Variants in SLC2A13 observed in about 807,000 individuals in gnomAD.
The protein encoded by SLC2A13 is proton myo-inositol cotransporter.
In SLC2A13, 32 loss-of-function variants were observed where a neutral mutation model predicts 64.4. The observed-to-expected ratio is 0.50, with a 90% CI of 0.37 to 0.67. The LOEUF (loss-of-function observed/expected upper bound fraction) is 0.67. SLC2A13 is among the 30% of genes least tolerant of loss of function. The pLI is 0.00. For missense variants in SLC2A13, 743 were observed against 829.2 expected, an observed-to-expected ratio of 0.90 and a Z score of 1.28; for synonymous variants, 338 against 327.1, an observed-to-expected ratio of 1.03 and a Z score of -0.36.
In SLC2A13 at chr12:40,105,474, T is replaced by C; in HGVS notation, c.335A>G (p.Gln112Arg). 1 of 1,566,650 alleles carries C rather than the reference T, an allele frequency of 6.4e-7. No individual in the cohort carries two copies. Among genetic ancestry groups the C allele is most frequent in the Non-Finnish European group, 8.6e-7 (1 of 1,156,464 alleles). The part of the protein sequence containing the change: ...VSGAMLLLKR[Q>R]LSLDALWQEL... ...CTGCCACAGCGCGTCCAGACTGAGC[T>C]GCCGCTTGAGCAGCAGCATGGCCCC... The change falls in exon 1 of 10, where the codon CAG becomes CGG. Residue 112 changes from glutamine to arginine, a missense_variant. By Grantham distance (43) the Gln-to-Arg change is conservative. Transcript: ENST00000280871. The surrounding 1 kb of genome is among the most constrained non-coding windows in gnomAD (Gnocchi z 4.2).
Position 39,882,890 on chromosome 12 carries a change from ATATTTC to A in SLC2A13, c.1035-10935_1035-10930del, listed in dbSNP as rs529345118. On this transcript the variant is annotated intron_variant, in intron 4 of 9. Coordinates refer to ENST00000280871, the MANE Select transcript of SLC2A13 (RefSeq NM_052885.4). Reference sequence around the variant, plus strand: ...TACTAGAATTACTTAGATATACATCATATTTCTATTTCTATCATATTTCTATAAACT... The same window carrying A: ...TACTAGAATTACTTAGATATACATCATATTTCTATCATATTTCTATAAACT... 5.9e-5 allele frequency among the ~76,000 whole-genome samples: 9 copies of A among 152,294 alleles called. No homozygotes were observed. In the South Asian group the frequency reaches 1.5e-3, roughly 25 times the overall value.
intron 7 of SLC2A13, among the ~76,000 whole-genome samples, chr12:39,781,857 GA>G (rs1381597606): frequency 5.3e-5 from 8 of 152,326 alleles, no homozygotes; most frequent in Non-Finnish European, 2.9e-5. Context: ...TACCCTGGAG[GA>G]AGGGATTTAG....
At chr12:39,921,523 C>A (rs112285906) in intron 4 of SLC2A13, among the ~76,000 whole-genome samples, 2 of 152,184 alleles carry the variant, frequency 1.3e-5, no homozygotes, top group Non-Finnish European at 2.9e-5. Flanking sequence ...TGTTTTCAAG[C>A]CATAGATATC....
At chr12:39,952,127 T>G (rs1946242642) in intron 3 of SLC2A13, among the ~76,000 whole-genome samples, 1 of 152,164 alleles carries the variant, frequency 6.6e-6, no homozygotes, top group Non-Finnish European at 1.5e-5. Flanking sequence ...GCTGTAAATC[T>G]GAACCACTGA....
At chr12:39,848,875 C>T (rs1010794424) in intron 6 of SLC2A13, among the ~76,000 whole-genome samples, 1 of 152,150 alleles carries the variant, frequency 6.6e-6, no homozygotes, top group African/African-American at 2.4e-5. Flanking sequence ...TTTGCAGGAA[C>T]ATGGATGGAG....
At chr12:39,874,028 T>G (rs1297644329) in intron 4 of SLC2A13, among the ~76,000 whole-genome samples, 2 of 152,228 alleles carry the variant, frequency 1.3e-5, no homozygotes, top group Non-Finnish European at 2.9e-5. Flanking sequence ...AAGAAGCTCA[T>G]AGTTTAATTT....
chr12:39,856,124 A>C (rs963797802), intron 6 of SLC2A13, among the ~76,000 whole-genome samples: 1 of 152,182 alleles, frequency 6.6e-6, no homozygotes, highest in South Asian at 2.1e-4. Context: ...GGTGTTGCCA[A>C]ATTTTGCCAC....
intron 4 of SLC2A13, among the ~76,000 whole-genome samples, chr12:39,942,666 T>C (rs1301748994): frequency 2.0e-5 from 3 of 152,200 alleles, no homozygotes; most frequent in Admixed American, 2.0e-4. Context: ...CTAACGTTTT[T>C]TCAAGGTTCA....
At chr12:39,979,519 G>A (rs1263131389) in intron 3 of SLC2A13, among the ~76,000 whole-genome samples, 1 of 149,640 alleles carries the variant, frequency 6.7e-6, no homozygotes, top group East Asian at 2.0e-4. Context: ...AGAACTACGT[G>A]AAGAATGCAG....
intron 3 of SLC2A13, among the ~76,000 whole-genome samples, chr12:40,016,106 C>A (rs1267802787): frequency 6.6e-6 from 1 of 151,992 alleles, no homozygotes; most frequent in Admixed American, 6.6e-5. Flanking sequence ...TCTTTGCTGC[C>A]ACAAATGTCA....
At position 39,810,994 on chromosome 12, in the gene SLC2A13, A is replaced by C. The variant is rs186040026; in HGVS notation, c.1445+19109T>G. The stretch of plus-strand genomic sequence containing the variant: ...TGCCCTTTTCTGAAAGAGTTTATAT[A>C]GGATTGGCATTATTTCTTCTTTAAA... On this transcript the variant is annotated intron_variant, in intron 7 of 9. Coordinates refer to ENST00000280871, the MANE Select transcript of SLC2A13 (RefSeq NM_052885.4). Among the ~76,000 whole-genome samples, 388 of 152,222 alleles carry C rather than the reference A, an allele frequency of 2.5e-3. 2 individuals are homozygous for C. Among genetic ancestry groups the C allele is most frequent in the Admixed American group, 0.022 (329 of 15,288 alleles).
At chr12:40,007,652 T>C (rs939736018) in intron 3 of SLC2A13, among the ~76,000 whole-genome samples, 1 of 152,216 alleles carries the variant, frequency 6.6e-6, no homozygotes, top group Non-Finnish European at 1.5e-5. Flanking sequence ...TTTTGAATTC[T>C]TAGTTCTTCT....
At chr12:39,906,307 C>A (rs920100694) in intron 4 of SLC2A13, among the ~76,000 whole-genome samples, 1 of 152,108 alleles carries the variant, frequency 6.6e-6, no homozygotes, top group South Asian at 2.1e-4. Flanking sequence ...AATAACTAGA[C>A]AAGCTTGTAA....
In SLC2A13 at chr12:40,097,559, G is replaced by A. The variant is rs536794766; in HGVS notation, c.556+7694C>T. Among the ~76,000 whole-genome samples the A allele has an allele frequency of 9.2e-5, 14 of 152,210 alleles. No homozygotes were observed. In the East Asian group the frequency reaches 1.7e-3, roughly 19 times the overall value. ...AACCAATTAAAAATAGGTCAGGGAC[G>A]TGAAAATGCAATAAACAATTTTCCA... On this transcript the variant is annotated intron_variant, in intron 1 of 9. Coordinates refer to ENST00000280871, the MANE Select transcript of SLC2A13 (RefSeq NM_052885.4).
At chr12:39,799,239 G>T (rs1165952201) in intron 7 of SLC2A13, among the ~76,000 whole-genome samples, 1 of 145,724 alleles carries the variant, frequency 6.9e-6, no homozygotes, top group Non-Finnish European at 1.5e-5. Context: ...ACAGGCATGT[G>T]CCACTATGCT....
At position 39,841,959 on chromosome 12, in the gene SLC2A13, G is replaced by A. The variant is rs547328029; in HGVS notation, c.1320-11731C>T. 1.2e-4 allele frequency among the ~76,000 whole-genome samples: 19 copies of A among 152,100 alleles called. No homozygotes were observed. The South Asian group carries it at 3.3e-3, about 27-fold the overall frequency. On this transcript the variant is annotated intron_variant, in intron 6 of 9. Transcript: ENST00000280871. ...TCACAGACAGTTTACCATGCAAAGAGGCTATACTAAATAATTACATGTTCT... is the reference window on the plus strand; with the variant it reads ...TCACAGACAGTTTACCATGCAAAGAAGCTATACTAAATAATTACATGTTCT...
At chr12:39,896,201 T>A (rs572821861) in intron 4 of SLC2A13, among the ~76,000 whole-genome samples, 1 of 148,532 alleles carries the variant, frequency 6.7e-6, no homozygotes, top group Non-Finnish European at 1.5e-5. Flanking sequence ...TATGTGTATG[T>A]ATACATGTAT....
intron 4 of SLC2A13, among the ~76,000 whole-genome samples, chr12:39,896,500 A>G (rs192299363): frequency 2.0e-5 from 3 of 147,142 alleles, no homozygotes; most frequent in African/African-American, 5.0e-5. Context: ...GTACACATAT[A>G]TGTATGTACA....
At chr12:40,074,765 C>T (rs1437495036) in intron 1 of SLC2A13, among the ~76,000 whole-genome samples, 7 of 152,012 alleles carry the variant, frequency 4.6e-5, no homozygotes, top group African/African-American at 7.2e-5. Flanking sequence ...CACTGGTTAA[C>T]GGATATAAAT....
Sources: gnomAD v4.1 joint callset for allele counts (sites outside exome capture counted in the v4.1 genomes callset) on GRCh38, gnomAD v4.1.1 for gene constraint, Gnocchi (gnomAD v3.1) non-coding constraint, MANE v1.5 for transcripts, NCBI Gene and HGNC (gene_info 2026-07-23, HGNC 2026-07-21) for gene names.